The following GPATCH8 variants were observed in gnomAD, a reference collection of about 807,000 sequenced individuals.
The protein encoded by GPATCH8 is G patch domain-containing protein 8.
A neutral mutation model predicts 118.3 loss-of-function variants in GPATCH8; 18 were observed. The ratio of observed to expected loss-of-function variants is 0.15; its 90% CI spans 0.11 to 0.23. The LOEUF is 0.23. Among genes scored for constraint, GPATCH8 ranks in the 10% least tolerant of loss-of-function variants. GPATCH8 has a pLI of 1.00. For synonymous variants in GPATCH8, 659 were observed against 684.7 expected (o/e 0.96, Z 0.59); for missense variants, 1,631 against 1,873.8 (o/e 0.87, Z 2.39).
At chr17:44,496,788 G>T (rs1969695710) in intron 1 of GPATCH8, among the ~76,000 whole-genome samples, 1 of 152,116 alleles carries the variant, frequency 6.6e-6, no homozygotes, top group South Asian at 2.1e-4. Context: ...AAATTCCAAA[G>T]AAATCATTTG....
intron 6 of GPATCH8, among the ~76,000 whole-genome samples, chr17:44,407,657 ATTT>A (rs35620878): frequency 7.8e-5 from 11 of 141,822 alleles, no homozygotes; most frequent in South Asian, 6.8e-4. Flanking sequence ...CATAATTAAG[ATTT>A]TTTTTTTTTT....
At chr17:44,491,830 C>G (rs188855544) in intron 1 of GPATCH8, among the ~76,000 whole-genome samples, 1 of 152,078 alleles carries the variant, frequency 6.6e-6, no homozygotes, top group Non-Finnish European at 1.5e-5. Flanking sequence ...GGGCAAATTT[C>G]CACATTCGTC....
chr17:44,431,473 C>T (rs1424275742), intron 5 of GPATCH8, among the ~76,000 whole-genome samples: 1 of 148,188 alleles, frequency 6.7e-6, no homozygotes, highest in East Asian at 2.0e-4. Context: ...CATGAAGTTA[C>T]TGATAGTGCT....
In GPATCH8 at chr17:44,397,068, T is replaced by C; in HGVS notation, c.*500A>G. ...GATAACGTAACGTCACCAAAGATGG[T>C]CAAAGATACTACCCCAAAATGGTGG... On this transcript the variant is annotated 3_prime_UTR_variant, in exon 8 of 8. Transcript: ENST00000591680. 1 of 454,234 alleles carries C rather than the reference T, an allele frequency of 2.2e-6. No homozygotes were observed. The allele number at this position is 454,234 out of a possible 1,614,324, so 28.1% of individuals were successfully genotyped here. A position where few individuals can be genotyped will look rare whatever the true frequency, so the allele number is the denominator to read the frequency against.
chr17:44,441,930 A>C (rs1412138364), intron 3 of GPATCH8, among the ~76,000 whole-genome samples: 3 of 148,496 alleles, frequency 2.0e-5, no homozygotes, highest in Admixed American at 1.3e-4. Context: ...TGGGAGGCTG[A>C]GGCAGGAGAA....
chr17:44,457,948 G>A (rs993996059), intron 3 of GPATCH8, among the ~76,000 whole-genome samples: 2 of 152,006 alleles, frequency 1.3e-5, no homozygotes, highest in Non-Finnish European at 2.9e-5. Context: ...AGCCAGACAC[G>A]GTGGCAGGCG....
At chr17:44,497,377 C>A (rs1304704947) in intron 1 of GPATCH8, among the ~76,000 whole-genome samples, 1 of 151,866 alleles carries the variant, frequency 6.6e-6, no homozygotes, top group Non-Finnish European at 1.5e-5. Flanking sequence ...ATAGCTTGAG[C>A]TCAGGAGTTT....
In GPATCH8 at chr17:44,395,668, G is replaced by A. The variant is rs1349396000; in HGVS notation, c.*1900C>T. 4.4e-6 allele frequency: 2 copies of A among 454,028 alleles called. No individual in the cohort carries two copies. Among genetic ancestry groups the A allele is most frequent in the Non-Finnish European group, 8.8e-6 (2 of 226,806 alleles). The allele number at this position is 454,028 out of a possible 1,614,324, so 28.1% of individuals were successfully genotyped here. On this transcript the variant is annotated 3_prime_UTR_variant, in exon 8 of 8. Coordinates refer to ENST00000591680, the MANE Select transcript of GPATCH8 (RefSeq NM_001002909.4). ...GAACAGGTAGGAGGGTGGGAGGGCA[G>A]TCAAGAGTTGTGTTTGCCTGCCACT...
intron 2 of GPATCH8, chr17:44,467,093 G>A (rs1598573575): frequency 1.6e-6 from 2 of 1,255,060 alleles, no homozygotes; most frequent in Non-Finnish European, 2.1e-6. Context: ...ATTTCCATAC[G>A]AACCTGGCTT....
rs539482892 is a variant in GPATCH8 at position 44,415,213 on chromosome 17, T to C, written c.492+9136A>G. ...CTTCTTGATATCTTCTCCAACACTT[T>C]GTTAGAGTACCATTTTTATTTTAGC... On this transcript the variant is annotated intron_variant, in intron 6 of 7. Coordinates refer to ENST00000591680, the MANE Select transcript of GPATCH8 (RefSeq NM_001002909.4). 4.6e-5 allele frequency among the ~76,000 whole-genome samples: 7 copies of C among 152,378 alleles called. No homozygotes were observed. In the South Asian group the frequency reaches 1.2e-3, roughly 27 times the overall value.
intron 2 of GPATCH8, among the ~76,000 whole-genome samples, chr17:44,468,373 C>CA (rs1966976734): frequency 2.0e-5 from 2 of 100,014 alleles, no homozygotes; most frequent in Non-Finnish European, 3.7e-5. Flanking sequence ...TTCTTTGTTC[C>CA]TTTTTTTTTT....
chr17:44,399,492 G>C lies in GPATCH8; in HGVS notation c.2585C>G (p.Ser862Trp). 6.2e-7 allele frequency: 1 copy of C among 1,614,196 alleles called. No individual in the cohort carries two copies. The highest frequency in any genetic ancestry group is 8.5e-7 in the Non-Finnish European group (1 of 1,180,036). The change falls in exon 8 of 8, where the codon TCG becomes TGG. Residue 862 changes from serine to tryptophan, a missense_variant. By Grantham distance (177) the Ser-to-Trp change is radical (BLOSUM62 -3). Around this residue, in one of 8 missense-constraint regions of GPATCH8, gnomAD observed 922 missense variants for 879.7 expected, o/e 1.05. Coordinates refer to ENST00000591680, the MANE Select transcript of GPATCH8 (RefSeq NM_001002909.4). ...SRSRSGRRHS[S>W]HRSSRRSYSS... Reference sequence around the variant, plus strand: ...GTAAGAACGCCGGGAGGAACGATGCGAGGAATGGCGCCGGCCAGACCTTGA... The same window carrying C: ...GTAAGAACGCCGGGAGGAACGATGCCAGGAATGGCGCCGGCCAGACCTTGA...
Position 44,398,135 on chromosome 17 carries a change from A to G in GPATCH8, c.3942T>C (p.Pro1314=). Residue 1314 remains proline (P), a synonymous_variant, in exon 8 of 8, where the codon CCT becomes CCC. Transcript: ENST00000591680. The stretch of plus-strand genomic sequence containing the variant: ...GCTTGCTGTACTTCTCCATCTCCTC[A>G]GGGGTGAAGGTGATGGGCTGGCTTT... ...PLESQPITFT[P]EEMEKYSKLQ... 1 of 1,613,296 alleles carries G rather than the reference A, an allele frequency of 6.2e-7. No individual in the cohort carries two copies. The highest frequency in any genetic ancestry group is 8.5e-7 in the Non-Finnish European group (1 of 1,179,370).
At chr17:44,444,960 C>T (rs534444884) in intron 3 of GPATCH8, among the ~76,000 whole-genome samples, 5 of 152,216 alleles carry the variant, frequency 3.3e-5, no homozygotes, top group South Asian at 2.1e-4. Context: ...TCATGATGCG[C>T]GCCGCTTAAC....
chr17:44,460,460 C>T lies in GPATCH8; in HGVS notation c.193+4012G>A, dbSNP rs192777633. On this transcript the variant is annotated intron_variant, in intron 3 of 7. Transcript: ENST00000591680. ...CAGTTTACAAAGTACAATTTAATAT[C>T]CTGCCACAGATAACTTCATTCCAGA... is the stretch of plus-strand genomic sequence containing the variant. Among the ~76,000 whole-genome samples, 627 of 152,130 alleles carry T rather than the reference C, an allele frequency of 4.1e-3. 5 individuals are homozygous for T. Among genetic ancestry groups the T allele is most frequent in the African/African-American group, 0.015 (609 of 41,534 alleles).
At chr17:44,491,390 G>A (rs1969230958) in intron 1 of GPATCH8, among the ~76,000 whole-genome samples, 1 of 149,566 alleles carries the variant, frequency 6.7e-6, no homozygotes, top group Admixed American at 6.8e-5. Context: ...TTGGGAGGCT[G>A]AAGCAGAGAA....
rs1204029351 is a variant in GPATCH8 at position 44,396,723 on chromosome 17, T to C, written c.*845A>G. 2.9e-5 allele frequency: 13 copies of C among 446,308 alleles called. No homozygotes were observed. The highest frequency in any genetic ancestry group is 5.8e-5 in the Non-Finnish European group (13 of 224,676). The allele number at this position is 446,308 out of a possible 1,614,324, so 27.6% of individuals were successfully genotyped here. On this transcript the variant is annotated 3_prime_UTR_variant, in exon 8 of 8. Transcript: ENST00000591680. ...CTACAAATATGGAACCTTTTTTATA[T>C]GAGCTACAAAAAGCAGCATTTACGT... is the stretch of plus-strand genomic sequence containing the variant.
chr17:44,428,250 T>C (rs2050160572), intron 5 of GPATCH8, among the ~76,000 whole-genome samples: 1 of 152,126 alleles, frequency 6.6e-6, no homozygotes, highest in African/African-American at 2.4e-5. Context: ...CCCAGCACTT[T>C]GGGAGGCCGA....
At chr17:44,476,048 C>CT (rs1473279225) in intron 1 of GPATCH8, among the ~76,000 whole-genome samples, 9 of 152,150 alleles carry the variant, frequency 5.9e-5, no homozygotes, top group Non-Finnish European at 1.0e-4. Flanking sequence ...CAAAACACAA[C>CT]TTATTAGGAA....
Sources: gnomAD v4.1 joint callset for allele counts (sites outside exome capture counted in the v4.1 genomes callset) on GRCh38, gnomAD v4.1.1 for gene constraint, gnomAD v4.1.1 regional missense constraint, MANE v1.5 for transcripts, NCBI Gene and HGNC (gene_info 2026-07-23, HGNC 2026-07-21) for gene names.